Variants in DLG2 observed in about 807,000 individuals in gnomAD.
DLG2 encodes disks large homolog 2.
Under a neutral mutation model 132.5 loss-of-function variants are expected in DLG2, and 45 were observed. The observed-to-expected ratio is 0.34, with a 90% CI of 0.27 to 0.44. The LOEUF (loss-of-function observed/expected upper bound fraction) is 0.44. Among genes scored for constraint, DLG2 ranks in the 20% least tolerant of loss-of-function variants. DLG2 has a pLI of 1.00. For synonymous variants in DLG2, 424 were observed against 419.6 expected (o/e 1.01, Z -0.13); for missense variants, 1,045 against 1,196.9 (o/e 0.87, Z 1.87).
At chr11:83,655,553 AC>A (rs1294863187) in intron 18 of DLG2, among the ~76,000 whole-genome samples, 1 of 152,194 alleles carries the variant, frequency 6.6e-6, no homozygotes, top group African/African-American at 2.4e-5. Context: ...TTTCTCTGTA[AC>A]CCTGAGAGTT....
intron 6 of DLG2, among the ~76,000 whole-genome samples, chr11:84,753,268 G>A (rs2066419725): frequency 6.6e-6 from 1 of 152,112 alleles, no homozygotes; most frequent in Admixed American, 6.6e-5. Flanking sequence ...AGACCTTTCT[G>A]GCCGTTGGAT....
chr11:84,104,867 T>G (rs887503280), intron 9 of DLG2, among the ~76,000 whole-genome samples: 2 of 152,108 alleles, frequency 1.3e-5, no homozygotes, highest in Admixed American at 1.3e-4. Flanking sequence ...TGCTAAACAC[T>G]AATCTATGTT....
intron 6 of DLG2, among the ~76,000 whole-genome samples, chr11:85,054,163 G>A (rs2063208279): frequency 6.6e-6 from 1 of 151,742 alleles, no homozygotes; most frequent in South Asian, 2.1e-4. Flanking sequence ...TACTGGGGAG[G>A]CTGAGGCACG....
At chr11:84,829,744 C>T (rs1275979521) in intron 6 of DLG2, among the ~76,000 whole-genome samples, 2 of 151,546 alleles carry the variant, frequency 1.3e-5, no homozygotes, top group Non-Finnish European at 3.0e-5. Flanking sequence ...CAGATAAAGC[C>T]TTCAATAAGT....
intron 3 of DLG2, among the ~76,000 whole-genome samples, chr11:85,306,814 C>T (rs1237207994): frequency 1.3e-5 from 2 of 152,180 alleles, no homozygotes; most frequent in African/African-American, 4.8e-5. Flanking sequence ...CCTCGTGATC[C>T]GCCCACCTTG....
chr11:85,034,095 TGAGATGGAG>T (rs1380447113), intron 6 of DLG2, among the ~76,000 whole-genome samples: 1 of 140,958 alleles, frequency 7.1e-6, no homozygotes, highest in East Asian at 2.1e-4. Flanking sequence ...TTTTTTTTTT[TGAGATGGAG>T]TCTTACTCTG....
chr11:85,429,638 C>T (rs1321133388), intron 3 of DLG2, among the ~76,000 whole-genome samples: 1 of 152,160 alleles, frequency 6.6e-6, no homozygotes, highest in Non-Finnish European at 1.5e-5. Context: ...CAGAGAAATG[C>T]AAATCAAAAC....
chr11:85,355,316 C>T (rs1333202519), intron 3 of DLG2, among the ~76,000 whole-genome samples: 2 of 152,150 alleles, frequency 1.3e-5, no homozygotes, highest in African/African-American at 2.4e-5. Flanking sequence ...TACTTTAAAA[C>T]ATTTTTAAAA....
At chr11:84,415,518 C>T (rs942457345) in intron 7 of DLG2, among the ~76,000 whole-genome samples, 3 of 151,922 alleles carry the variant, frequency 2.0e-5, no homozygotes, top group Non-Finnish European at 4.4e-5. Flanking sequence ...AAGATTATGC[C>T]GCTAGATGAA....
In DLG2 at chr11:84,941,697, C is replaced by CTT. The variant is rs550984313; in HGVS notation, c.357+169962_357+169963dup. Among the ~76,000 whole-genome samples, 10 of 141,578 alleles carry CTT rather than the reference C, an allele frequency of 7.1e-5. 1 individual carries two copies. The highest frequency in any genetic ancestry group is 4.5e-4 in the South Asian group (2 of 4,450). The allele number at this position is 141,578 out of a possible 152,430, so 92.9% of individuals were successfully genotyped here. A position where few individuals can be genotyped will look rare whatever the true frequency, so the allele number is the denominator to read the frequency against. ...TTAGCCTGTAGTTTTCTTTCTTTCTCTTTTTTTTTTTTTGATGTGTCTTTT... is the reference window on the plus strand; with the variant it reads ...TTAGCCTGTAGTTTTCTTTCTTTCTCTTTTTTTTTTTTTTTGATGTGTCTTTT... On this transcript the variant is annotated intron_variant, in intron 6 of 27. Coordinates refer to ENST00000376104, the MANE Select transcript of DLG2 (RefSeq NM_001142699.3).
At chr11:84,326,002 T>C (rs2098429321) in intron 7 of DLG2, among the ~76,000 whole-genome samples, 1 of 152,062 alleles carries the variant, frequency 6.6e-6, no homozygotes, top group Admixed American at 6.5e-5. Flanking sequence ...ATTTGTTCAT[T>C]TCATCTAGGT....
In DLG2 at chr11:85,274,901, C is replaced by G. The variant is rs961415754; in HGVS notation, c.186+10319G>C. On this transcript the variant is annotated intron_variant, in intron 4 of 27. Transcript: ENST00000376104. ...ACAGGCCTTGCTAGGTTTCCCCTCT[C>G]AGTTTATTAGCATTGGATCATACCC... is the stretch of plus-strand genomic sequence containing the variant. Among the ~76,000 whole-genome samples, 23 of 152,150 alleles carry G rather than the reference C, an allele frequency of 1.5e-4. 1 individual carries two copies. The highest frequency in any genetic ancestry group is 3.2e-4 in the Non-Finnish European group (22 of 68,020).
intron 12 of DLG2, among the ~76,000 whole-genome samples, chr11:83,973,769 G>A (rs2091766111): frequency 6.6e-6 from 1 of 152,020 alleles, no homozygotes; most frequent in Non-Finnish European, 1.5e-5. Context: ...ATTCAGGGTT[G>A]ACTGAGGACT....
At chr11:85,528,360 G>A (rs1201808601) in intron 3 of DLG2, among the ~76,000 whole-genome samples, 2 of 152,144 alleles carry the variant, frequency 1.3e-5, no homozygotes, top group Non-Finnish European at 2.9e-5. Flanking sequence ...GTTAATTTTT[G>A]TATAAGGTGT....
intron 23 of DLG2, 78 bp from the exon 24 acceptor site, chr11:83,471,805 C>T (rs2092065259): frequency 8.6e-7 from 1 of 1,167,666 alleles, no homozygotes; most frequent in African/African-American, 1.5e-5. Context: ...AAGGGTGATT[C>T]TTAATTGCCA....
rs557422607 is a variant in DLG2, at chr11:85,433,206, CA to C, written c.41-147842del. Reference sequence around the variant, plus strand: ...AAGGAAAAATCAATACCAGCCACTGCAAAACACACAAAAATATAAAAACCAA... The same window carrying C: ...AAGGAAAAATCAATACCAGCCACTGCAAACACACAAAAATATAAAAACCAA... On this transcript the variant is annotated intron_variant, in intron 3 of 27. Coordinates refer to ENST00000376104, the MANE Select transcript of DLG2 (RefSeq NM_001142699.3). Among the ~76,000 whole-genome samples the C allele has an allele frequency of 1.9e-3, 287 of 152,178 alleles. 1 individual carries two copies. The highest frequency in any genetic ancestry group is 2.7e-3 in the Non-Finnish European group (185 of 68,006).
intron 6 of DLG2, among the ~76,000 whole-genome samples, chr11:84,885,095 G>A (rs1211586035): frequency 1.3e-5 from 2 of 152,030 alleles, no homozygotes; most frequent in Non-Finnish European, 2.9e-5. Context: ...CAGGCATTTT[G>A]TCATCTCATA....
chr11:84,568,629 C>G (rs2099467572), intron 6 of DLG2, among the ~76,000 whole-genome samples: 1 of 152,132 alleles, frequency 6.6e-6, no homozygotes, highest in Admixed American at 6.6e-5. Flanking sequence ...AGTATCTATG[C>G]CCAGCCTTAG....
intron 6 of DLG2, among the ~76,000 whole-genome samples, chr11:84,928,543 AG>A (rs1390894758): frequency 5.3e-5 from 8 of 151,932 alleles, no homozygotes; most frequent in African/African-American, 1.9e-4. Context: ...GAAGGTAAAA[AG>A]GTGCTATCAT....
Sources: gnomAD v4.1 joint callset for allele counts (sites outside exome capture counted in the v4.1 genomes callset) on GRCh38, gnomAD v4.1.1 for gene constraint, MANE v1.5 for transcripts, NCBI Gene and HGNC (gene_info 2026-07-23, HGNC 2026-07-21) for gene names.